The following NAV2 variants were observed in gnomAD, a reference collection of about 807,000 sequenced individuals.
The protein encoded by NAV2 is neuron navigator 2, also known as helicase, APC down-regulated 1.
NAV2 carries 54 observed loss-of-function variants against 223.2 expected under a neutral mutation model. The observed-to-expected ratio is 0.24, with a 90% CI of 0.19 to 0.30. The LOEUF (loss-of-function observed/expected upper bound fraction) is 0.30. NAV2 is among the 10% of genes least tolerant of loss of function. The probability of loss-of-function intolerance (pLI) is 1.00; values close to 1 mark genes in which losing one functional copy is unlikely to be tolerated. For missense variants in NAV2, 2,806 were observed against 3,147.5 expected, an observed-to-expected ratio of 0.89 and a Z score of 2.60; for synonymous variants, 1,279 against 1,239.3, an observed-to-expected ratio of 1.03 and a Z score of -0.67.
At chr11:19,405,926 A>G (rs1849876272) in intron 1 of NAV2, among the ~76,000 whole-genome samples, 1 of 152,228 alleles carries the variant, frequency 6.6e-6, no homozygotes, top group Non-Finnish European at 1.5e-5. Context: ...GCCCATAATT[A>G]TCTTGGTTTG....
intron 1 of NAV2, among the ~76,000 whole-genome samples, chr11:19,564,399 G>GACACTGGCTC (rs1341830048): frequency 3.3e-5 from 5 of 152,210 alleles, no homozygotes; most frequent in African/African-American, 1.2e-4. Flanking sequence ...TGCGCTGGCT[G>GACACTGGCTC]ACACTGGCTC....
At chr11:19,579,571 T>A (rs866001014) in intron 1 of NAV2, among the ~76,000 whole-genome samples, 38 of 152,318 alleles carry the variant, frequency 2.5e-4, no homozygotes, top group South Asian at 2.1e-4. Context: ...AATATGTTGA[T>A]TTACCTTTCC....
At chr11:19,802,464 A>G (rs1282739374) in intron 1 of NAV2, among the ~76,000 whole-genome samples, 9 of 152,326 alleles carry the variant, frequency 5.9e-5, no homozygotes, top group Non-Finnish European at 1.2e-4. Context: ...GCCACCTGTG[A>G]TCTGTGAACT....
At chr11:19,802,606 T>A (rs2058335747) in intron 1 of NAV2, among the ~76,000 whole-genome samples, 1 of 150,340 alleles carries the variant, frequency 6.7e-6, no homozygotes, top group Non-Finnish European at 1.5e-5. Context: ...GAATAGTACA[T>A]CACCAAGGCA....
At position 19,411,155 on chromosome 11, in the gene NAV2, A is replaced by G. The variant is rs112690100; in HGVS notation, c.75+60128A>G. On this transcript the variant is annotated intron_variant, in intron 1 of 37. Transcript: ENST00000360655. The stretch of plus-strand genomic sequence containing the variant: ...CCAGAGTTTCTGATTCATTGCAGCT[A>G]GGTGAGTCCTGAGAATCTGCCGCAA... Among the ~76,000 whole-genome samples the G allele has an allele frequency of 5.5e-3, 834 of 152,248 alleles. 8 individuals are homozygous for G. Among genetic ancestry groups the G allele is most frequent in the African/African-American group, 0.018 (758 of 41,554 alleles).
chr11:19,700,909 A>G (rs2049493648), intron 1 of NAV2, among the ~76,000 whole-genome samples: 1 of 152,264 alleles, frequency 6.6e-6, no homozygotes. Flanking sequence ...TGGTAGCAAC[A>G]TAAAACGCTA....
the NAV2 span, among the ~76,000 whole-genome samples, chr11:19,345,565 C>T: frequency 6.6e-6 from 1 of 152,214 alleles, no homozygotes; most frequent in Admixed American, 6.5e-5. This position sits in a 1 kb window ranked among gnomAD's most constrained non-coding sequence, Gnocchi z 5.2. Context: ...TCTCAAGCCA[C>T]CCGGCCGCAG....
At chr11:19,620,036 T>C (rs1258639971) in intron 1 of NAV2, among the ~76,000 whole-genome samples, 1 of 152,242 alleles carries the variant, frequency 6.6e-6, no homozygotes, top group Admixed American at 6.5e-5. Context: ...CCATTTCTTG[T>C]TTTTGTCAGG....
At chr11:19,780,699 A>G (rs1222418518) in intron 1 of NAV2, among the ~76,000 whole-genome samples, 2 of 152,332 alleles carry the variant, frequency 1.3e-5, no homozygotes, top group African/African-American at 2.4e-5. Context: ...AAAAAAATGT[A>G]TCCGGATTTG....
chr11:19,753,142 T>G (rs1364128741), intron 1 of NAV2, among the ~76,000 whole-genome samples: 1 of 152,178 alleles, frequency 6.6e-6, no homozygotes. Context: ...GAGAAATGAA[T>G]GTTTCTTGTT....
Position 20,075,679 on chromosome 11 carries a change from A to G in NAV2, c.4984-1873A>G, listed in dbSNP as rs529147183. ...TCTTAGCCTCCACCATCCCTGTTTA[A>G]TGAAGTCTAATAACAGGCCTCTCTT... On this transcript the variant is annotated intron_variant, in intron 22 of 37. Coordinates refer to ENST00000349880, the MANE Select transcript of NAV2 (RefSeq NM_145117.5). 4.5e-4 allele frequency among the ~76,000 whole-genome samples: 69 copies of G among 152,056 alleles called. No individual in the cohort carries two copies. In the South Asian group the frequency reaches 7.1e-3, roughly 16 times the overall value.
intron 3 of NAV2, among the ~76,000 whole-genome samples, chr11:19,853,141 T>A (rs2061237823): frequency 1.3e-5 from 2 of 152,182 alleles, no homozygotes; most frequent in Non-Finnish European, 2.9e-5. Flanking sequence ...CCCCAGAGTT[T>A]CTGATTTGGT....
In NAV2 at chr11:19,553,544, C is replaced by T. The variant is rs565804296; in HGVS notation, c.75+202517C>T. ...ACACCTCTCTCCCCTCCCCATCACC[C>T]CAGGATGAGCCAGGGAAGGCACTGA... On this transcript the variant is annotated intron_variant, in intron 1 of 37. Coordinates refer to the NAV2 transcript ENST00000360655. Among the ~76,000 whole-genome samples the T allele has an allele frequency of 4.6e-5, 7 of 152,230 alleles. No individual in the cohort carries two copies. In the East Asian group the frequency reaches 9.7e-4, roughly 21 times the overall value.
chr11:19,616,691 G>C (rs1453207556), intron 1 of NAV2, among the ~76,000 whole-genome samples: 2 of 151,776 alleles, frequency 1.3e-5, no homozygotes, highest in East Asian at 3.9e-4. Context: ...CTTCTGCTTG[G>C]GTGACACTAG....
At chr11:19,349,235 C>G (rs949185823), upstream of NAV2, among the ~76,000 whole-genome samples, 7 of 152,322 alleles carry the variant, frequency 4.6e-5, no homozygotes, top group African/African-American at 1.7e-4. Flanking sequence ...GAGTGTTTCA[C>G]GTGTGTGGGA....
At chr11:19,766,986 T>G (rs987394416) in intron 1 of NAV2, among the ~76,000 whole-genome samples, 3 of 152,152 alleles carry the variant, frequency 2.0e-5, no homozygotes, top group Admixed American at 6.5e-5. Context: ...GAGTTTTGGC[T>G]CATAGTCAGA....
At chr11:19,406,100 G>A (rs1040125436) in intron 1 of NAV2, among the ~76,000 whole-genome samples, 3 of 152,284 alleles carry the variant, frequency 2.0e-5, no homozygotes, top group East Asian at 1.9e-4. Flanking sequence ...GAGGTGAAAC[G>A]TATTGTCTAC....
intron 1 of NAV2, among the ~76,000 whole-genome samples, chr11:19,831,229 G>A (rs1208436600): frequency 3.0e-5 from 3 of 100,068 alleles, no homozygotes; most frequent in East Asian, 2.8e-4. Context: ...GTTGCGGGGG[G>A]GGGGGGGGCG....
chr11:19,664,810 GA>G (rs1172555645), intron 1 of NAV2, among the ~76,000 whole-genome samples: 27 of 152,312 alleles, frequency 1.8e-4, no homozygotes, highest in African/African-American at 6.3e-4. Context: ...GGAAATGGAA[GA>G]ACATGTATTG....
Sources: gnomAD v4.1 joint callset for allele counts (sites outside exome capture counted in the v4.1 genomes callset) on GRCh38, gnomAD v4.1.1 for gene constraint, Gnocchi (gnomAD v3.1) non-coding constraint, MANE v1.5 for transcripts, NCBI Gene and HGNC (gene_info 2026-07-23, HGNC 2026-07-21) for gene names.